Variants in RSRC1 observed in about 807,000 individuals in gnomAD.
RSRC1 encodes the protein arginine and serine rich coiled-coil 1.
In RSRC1, 39 loss-of-function variants were observed where a neutral mutation model predicts 49.1. That is an observed-to-expected ratio of 0.79 (90% confidence interval 0.61 to 1.04). The LOEUF is 1.04. Ranked by LOEUF, RSRC1 falls within the 50% of genes least tolerant of loss-of-function variation. The pLI is 0.00. For synonymous variants in RSRC1, 143 were observed against 130.8 expected, an observed-to-expected ratio of 1.09 and a Z score of -0.63; for missense variants, 388 against 402.4, an observed-to-expected ratio of 0.96 and a Z score of 0.31.
intron 4 of RSRC1, among the ~76,000 whole-genome samples, chr3:158,216,805 C>T (rs778395573): frequency 2.0e-5 from 3 of 151,632 alleles, no homozygotes; most frequent in Non-Finnish European, 4.4e-5. Flanking sequence ...CCTTCCAAAC[C>T]GTTGTTCGTC....
At chr3:158,255,502 G>T (rs1288895263) in intron 4 of RSRC1, among the ~76,000 whole-genome samples, 3 of 152,122 alleles carry the variant, frequency 2.0e-5, no homozygotes, top group Non-Finnish European at 4.4e-5. Flanking sequence ...GTAGCATGAT[G>T]CCTCCAGCTT....
chr3:158,371,005 T>A (rs1263341819), intron 6 of RSRC1, among the ~76,000 whole-genome samples: 1 of 151,914 alleles, frequency 6.6e-6, no homozygotes. Flanking sequence ...TTTACTTCAT[T>A]TAATTTAATG....
intron 4 of RSRC1, among the ~76,000 whole-genome samples, chr3:158,281,411 T>C (rs963685241): frequency 2.0e-5 from 3 of 151,912 alleles, no homozygotes; most frequent in Non-Finnish European, 4.4e-5. Flanking sequence ...ATGATATACA[T>C]TTTTTGCACA....
chr3:158,260,459 T>G (rs1169482318), intron 4 of RSRC1, among the ~76,000 whole-genome samples: 1 of 152,096 alleles, frequency 6.6e-6, no homozygotes, highest in Non-Finnish European at 1.5e-5. Context: ...CTCTTTACTT[T>G]CCCATCTCCT....
chr3:158,112,095 A>G (rs1714454345), intron 1 of RSRC1, among the ~76,000 whole-genome samples: 1 of 152,346 alleles, frequency 6.6e-6, no homozygotes, highest in East Asian at 1.9e-4. Flanking sequence ...GAGTGAGAAC[A>G]GGAAACCAAG....
chr3:158,117,328 A>C (rs2108155156), intron 1 of RSRC1, among the ~76,000 whole-genome samples: 1 of 152,268 alleles, frequency 6.6e-6, no homozygotes, highest in Non-Finnish European at 1.5e-5. Flanking sequence ...ACAAGGACTT[A>C]TTCTGTCACC....
At chr3:158,281,419 A>C (rs1257019265) in intron 4 of RSRC1, among the ~76,000 whole-genome samples, 1 of 151,844 alleles carries the variant, frequency 6.6e-6, no homozygotes, top group Admixed American at 6.6e-5. Flanking sequence ...CATTTTTTGC[A>C]CATGTACGTA....
chr3:158,264,776 A>G (rs1725079154), intron 4 of RSRC1, among the ~76,000 whole-genome samples: 1 of 152,274 alleles, frequency 6.6e-6, no homozygotes, highest in South Asian at 2.1e-4. Flanking sequence ...AGTGCTAACC[A>G]TTCCCCACAA....
At chr3:158,299,602 C>T (rs558233411) in intron 5 of RSRC1, among the ~76,000 whole-genome samples, 1 of 152,192 alleles carries the variant, frequency 6.6e-6, no homozygotes, top group South Asian at 2.1e-4. Flanking sequence ...TCCCAAAATG[C>T]TGGAATTACA....
At chr3:158,311,396 G>A (rs1182915252) in intron 5 of RSRC1, among the ~76,000 whole-genome samples, 1 of 151,718 alleles carries the variant, frequency 6.6e-6, no homozygotes, top group Non-Finnish European at 1.5e-5. Context: ...ATTATGAATA[G>A]ATGTATAATC....
chr3:158,197,972 T>G (rs1405181716), intron 3 of RSRC1, among the ~76,000 whole-genome samples: 6 of 152,154 alleles, frequency 3.9e-5, no homozygotes, highest in African/African-American at 1.4e-4. Context: ...ATTCTGTTGA[T>G]TTGGGGTGGA....
intron 6 of RSRC1, among the ~76,000 whole-genome samples, chr3:158,370,908 A>G (rs1732033024): frequency 6.6e-6 from 1 of 151,876 alleles, no homozygotes; most frequent in African/African-American, 2.4e-5. Context: ...ATTGTATGAA[A>G]GTTTGCTTCA....
intron 6 of RSRC1, among the ~76,000 whole-genome samples, chr3:158,387,613 AT>A (rs756797547): frequency 2.4e-4 from 37 of 152,176 alleles, no homozygotes; most frequent in Non-Finnish European, 5.0e-4. Flanking sequence ...ATCTTTGTTA[AT>A]AATTTAAACT....
intron 3 of RSRC1, among the ~76,000 whole-genome samples, chr3:158,157,857 A>G (rs1344090258): frequency 6.6e-6 from 1 of 152,000 alleles, no homozygotes; most frequent in African/African-American, 2.4e-5. Flanking sequence ...GGAGGTTGTG[A>G]TGATCTGAGA....
chr3:158,538,579 C>T (rs1712853411), intron 8 of RSRC1, among the ~76,000 whole-genome samples: 1 of 151,890 alleles, frequency 6.6e-6, no homozygotes, highest in African/African-American at 2.4e-5. Flanking sequence ...CATTTTCATT[C>T]TGTAGAAATG....
At chr3:158,174,363 T>G (rs1487908711) in intron 3 of RSRC1, among the ~76,000 whole-genome samples, 2 of 151,994 alleles carry the variant, frequency 1.3e-5, no homozygotes, top group East Asian at 3.8e-4. Flanking sequence ...TAAAACTTTT[T>G]ATTCAAGTAA....
At position 158,333,582 on chromosome 3, in the gene RSRC1, A is replaced by G. The variant is rs1318403053; in HGVS notation, c.532-21275A>G. 2.6e-5 allele frequency among the ~76,000 whole-genome samples: 4 copies of G among 152,330 alleles called. No homozygotes were observed. The South Asian group carries it at 8.3e-4, about 32-fold the overall frequency. ...CTCGATATTTAATATATTTTTTAGG[A>G]CAAAACATATTGTAAAAAGCATTCT... On this transcript the variant is annotated intron_variant, in intron 5 of 9. Coordinates refer to ENST00000611884, the MANE Select transcript of RSRC1 (RefSeq NM_001271838.2).
intron 3 of RSRC1, among the ~76,000 whole-genome samples, chr3:158,173,489 G>A (rs1047978043): frequency 4.6e-5 from 7 of 151,596 alleles, no homozygotes; most frequent in African/African-American, 1.7e-4. Context: ...CCAATTTTTT[G>A]CTTTCTACTC....
chr3:158,462,012 A>C (rs1435349286), intron 7 of RSRC1, among the ~76,000 whole-genome samples: 4 of 149,858 alleles, frequency 2.7e-5, no homozygotes, highest in Non-Finnish European at 5.9e-5. Context: ...AAAAAAAAAA[A>C]ACTGTAGATT....
Sources: gnomAD v4.1 joint callset for allele counts (sites outside exome capture counted in the v4.1 genomes callset) on GRCh38, gnomAD v4.1.1 for gene constraint, MANE v1.5 for transcripts, NCBI Gene and HGNC (gene_info 2026-07-23, HGNC 2026-07-21) for gene names.